CACNA1A: variants seen among roughly 807,000 people sequenced by gnomAD.
The protein encoded by CACNA1A is voltage-dependent P/Q-type calcium channel subunit alpha-1A.
A neutral mutation model predicts 262.4 loss-of-function variants in CACNA1A; 57 were observed. That is an observed-to-expected ratio of 0.22 (90% CI 0.18 to 0.27). CACNA1A has a LOEUF of 0.27. CACNA1A is among the 10% of genes least tolerant of loss of function. CACNA1A has a pLI of 1.00. For synonymous variants in CACNA1A, 1,431 were observed against 1,419.3 expected, an observed-to-expected ratio of 1.01 and a Z score of -0.18; for missense variants, 2,526 against 3,562.8, an observed-to-expected ratio of 0.71 and a Z score of 7.41.
rs937245193 is a variant in CACNA1A at position 13,241,252 on chromosome 19, C to A, written c.4950+3930G>T. Among the ~76,000 whole-genome samples the A allele has an allele frequency of 6.6e-6, 1 of 151,954 alleles. No individual in the cohort carries two copies. The highest frequency in any genetic ancestry group is 2.4e-5 in the African/African-American group (1 of 41,354). ...GAGAGAGGTGCTGCGCTGGGAAAAC[C>A]CATCCCTTTCTCTGCAAAAGACGCA... On this transcript the variant is annotated intron_variant, in intron 31 of 46. Transcript: ENST00000360228. This position sits in a 1 kb window ranked among gnomAD's most constrained non-coding sequence, Gnocchi z 4.0.
intron 3 of CACNA1A, among the ~76,000 whole-genome samples, chr19:13,375,051 A>T (rs2059381888): frequency 1.3e-5 from 2 of 151,848 alleles, no homozygotes; most frequent in South Asian, 4.2e-4. Context: ...ATTTGTGGCA[A>T]CCCTGTGTCA....
chr19:13,276,697 CTTTTTTT>C (rs33970596), intron 23 of CACNA1A, among the ~76,000 whole-genome samples: 1 of 125,428 alleles, frequency 8.0e-6, no homozygotes, highest in Admixed American at 8.5e-5. Flanking sequence ...AATCCCAGCT[CTTTTTTT>C]TTTTTTTTTT....
chr19:13,259,789 A>G, intron 26 of CACNA1A, 88 bp from the exon 27 acceptor site: 2 of 1,460,734 alleles, frequency 1.4e-6, no homozygotes, highest in Non-Finnish European at 1.9e-6. Context: ...GGGGAGGGAA[A>G]GGAAGAGTGG....
In CACNA1A at chr19:13,339,662, G is replaced by A. The variant is rs114245719; in HGVS notation, c.979-3753C>T. Among the ~76,000 whole-genome samples the A allele has an allele frequency of 3.5e-3, 528 of 151,828 alleles. 2 individuals carry two copies. Among genetic ancestry groups the A allele is most frequent in the African/African-American group, 0.012 (486 of 41,376 alleles). On this transcript the variant is annotated intron_variant, in intron 6 of 46. Coordinates refer to ENST00000360228, the MANE Select transcript of CACNA1A (RefSeq NM_001127222.2). The stretch of plus-strand genomic sequence containing the variant: ...CACTACGCATTATATGCATTGAAAC[G>A]TCACTATGTACCCCATGAATAAGTA...
Position 13,330,284 on chromosome 19 carries a change from G to C in CACNA1A, c.1305C>G (p.Pro435=), listed in dbSNP as rs376451601. 3.2e-6 allele frequency: 5 copies of C among 1,563,462 alleles called. No homozygotes were observed. Among genetic ancestry groups the C allele is most frequent in the African/African-American group, 2.7e-5 (2 of 73,910 alleles). Residue 435 remains proline (P), a synonymous_variant, in exon 10 of 47, where the codon CCC becomes CCG. Transcript: ENST00000360228. ...IKKSKTDLLN[P]EEAEDQLADI... ...CAGCCAGCTGATCCTCAGCCTCTTC[G>C]GGGTTGAGCAAATCTGTCTTGCTTT...
At position 13,409,055 on chromosome 19, in the gene CACNA1A, T is replaced by C. The variant is rs138775667; in HGVS notation, c.540-37276A>G. ...GGCCTTCCCATTCAGCACGTCTCCG[T>C]GGCAACAGGCCACTTTCTCATTCAC... is the stretch of plus-strand genomic sequence containing the variant. On this transcript the variant is annotated intron_variant, in intron 3 of 46. Transcript: ENST00000360228. Among the ~76,000 whole-genome samples, 719 of 152,338 alleles carry C rather than the reference T, an allele frequency of 4.7e-3. 3 individuals are homozygous for C. Among genetic ancestry groups the C allele is most frequent in the Non-Finnish European group, 7.5e-3 (512 of 68,032 alleles).
At chr19:13,427,746 A>G (rs1232778764) in intron 3 of CACNA1A, among the ~76,000 whole-genome samples, 2 of 151,968 alleles carry the variant, frequency 1.3e-5, no homozygotes, top group African/African-American at 4.8e-5. Context: ...GATTACTTCT[A>G]TTGCAGAAGC....
Position 13,290,556 on chromosome 19 carries a change from C to T in CACNA1A, c.3090-3590G>A, listed in dbSNP as rs535206328. On this transcript the variant is annotated intron_variant, in intron 19 of 46. Transcript: ENST00000360228. ...CACCCTGGGTAGCTGGGATTGCAGG[C>T]ACACACTGCCATGCCTGGTTATTTT... is the stretch of plus-strand genomic sequence containing the variant. Among the ~76,000 whole-genome samples the T allele has an allele frequency of 3.3e-5, 5 of 152,086 alleles. No individual in the cohort carries two copies. In the East Asian group the frequency reaches 9.7e-4, roughly 29 times the overall value.
Position 13,456,605 on chromosome 19 carries a change from C to T in CACNA1A, c.294-1393G>A, listed in dbSNP as rs976918136. On this transcript the variant is annotated intron_variant, in intron 1 of 46. Transcript: ENST00000360228. ...AGGAGAATGGCGTGAACCTGGGAGG[C>T]GGAGCTTGCAGTGAGCCAAGATCGT... Among the ~76,000 whole-genome samples, 4 of 151,604 alleles carry T rather than the reference C, an allele frequency of 2.6e-5. No homozygotes were observed. In the East Asian group the frequency reaches 5.9e-4, roughly 22 times the overall value.
intron 3 of CACNA1A, among the ~76,000 whole-genome samples, chr19:13,446,109 T>C (rs1437029290): frequency 6.6e-6 from 1 of 151,946 alleles, no homozygotes; most frequent in Non-Finnish European, 1.5e-5. Flanking sequence ...ACCCCGTCTC[T>C]ACTAAAAATA....
At chr19:13,273,547 C>G (rs2057074722) in intron 24 of CACNA1A, 1 of 152,008 alleles carries the variant, frequency 6.6e-6, no homozygotes, top group African/African-American at 2.4e-5. Flanking sequence ...ACATGGACTC[C>G]TTGTCTTATT....
At chr19:13,460,318 G>A (rs896042339) in intron 1 of CACNA1A, among the ~76,000 whole-genome samples, 12 of 152,062 alleles carry the variant, frequency 7.9e-5, no homozygotes, top group African/African-American at 9.7e-5. Flanking sequence ...AGGTAATTGC[G>A]GTTTTGAGTC....
intron 1 of CACNA1A, among the ~76,000 whole-genome samples, chr19:13,500,469 A>G (rs1239244868): frequency 6.6e-6 from 1 of 152,138 alleles, no homozygotes; most frequent in Non-Finnish European, 1.5e-5. Flanking sequence ...TCTGACCGGG[A>G]TTTAACACTA....
chr19:13,252,254 T>G (rs2056419628), intron 30 of CACNA1A, among the ~76,000 whole-genome samples: 1 of 151,718 alleles, frequency 6.6e-6, no homozygotes, highest in Non-Finnish European at 1.5e-5. Flanking sequence ...TTTTTTTTTT[T>G]GTAGGGACAG....
intron 3 of CACNA1A, among the ~76,000 whole-genome samples, chr19:13,378,542 C>T (rs10426949): frequency 0.031 from 4,691 of 152,224 alleles, 177 homozygotes; most frequent in East Asian, 0.091. Context: ...CAACCACCCC[C>T]ACGATCAGTC....
intron 31 of CACNA1A, chr19:13,244,507 A>T (rs1392038861): frequency 6.6e-6 from 1 of 152,068 alleles, no homozygotes; most frequent in Non-Finnish European, 1.5e-5. Flanking sequence ...CCCTCCCCCC[A>T]ATCTCCTGAG....
chr19:13,262,842 G>A lies in CACNA1A; in HGVS notation c.3990-9C>T, dbSNP rs765073297. 26 of 1,587,136 alleles carry A rather than the reference G, an allele frequency of 1.6e-5. No homozygotes were observed. The highest frequency in any genetic ancestry group is 8.6e-7 in the Non-Finnish European group (1 of 1,157,488). The stretch of plus-strand genomic sequence containing the variant: ...TTCCTTTGCTATTGCCACTGTGGAG[G>A]AATGTTTAGGTGGGAAGAAGGGAAG... On this transcript the variant is annotated splice_polypyrimidine_tract_variant and intron_variant, in intron 24 of 46. Coordinates refer to ENST00000360228, the MANE Select transcript of CACNA1A (RefSeq NM_001127222.2).
At position 13,207,421 on chromosome 19, in the gene CACNA1A, T is replaced by C; in HGVS notation, c.7413A>G (p.Arg2471=). 6.6e-7 allele frequency: 1 copy of C among 1,523,094 alleles called. No individual in the cohort carries two copies. The highest frequency in any genetic ancestry group is 1.2e-5 in the South Asian group (1 of 84,020). 94.3% of individuals were successfully genotyped at this position (1,523,094 alleles called of 1,614,324 possible). The change falls in exon 47 of 47, where the codon CGA becomes CGG. Residue 2471 remains arginine, a synonymous_variant. Transcript: ENST00000360228. This position sits in a 1 kb window ranked among gnomAD's most constrained non-coding sequence, Gnocchi z 5.7. ...GCGCCGGGTAGTAGCCGTTGGGGAG[T>C]CGCCGGCCGTGCCGAGAAGGCGAGG... ...ACASPSRHGR[R]LPNGYYPAHG...
At chr19:13,383,472 G>A (rs2059555566) in intron 3 of CACNA1A, among the ~76,000 whole-genome samples, 1 of 152,156 alleles carries the variant, frequency 6.6e-6, no homozygotes, top group South Asian at 2.1e-4. Flanking sequence ...ATCTTCCAAT[G>A]GCTTCCATCA....
Sources: allele counts gnomAD v4.1 joint callset (sites outside exome capture counted in the v4.1 genomes callset), GRCh38; gene constraint gnomAD v4.1.1; non-coding constraint Gnocchi (gnomAD v3.1); transcripts MANE v1.5; gene names NCBI Gene and HGNC (gene_info 2026-07-23, HGNC 2026-07-21).